Variants in HMGB1 observed in about 807,000 individuals in gnomAD.
HMGB1 encodes high mobility group box 1.
For synonymous variants in HMGB1, 81 were observed against 84.0 expected, an observed-to-expected ratio of 0.96 and a Z score of 0.19; for missense variants, 79 against 253.5, an observed-to-expected ratio of 0.31 and a Z score of 4.67.
At chr13:30,546,367 G>A (rs1024608717) in intron 1 of HMGB1, among the ~76,000 whole-genome samples, 2 of 152,304 alleles carry the variant, frequency 1.3e-5, no homozygotes, top group South Asian at 2.1e-4. Flanking sequence ...GCCTGCCTTG[G>A]CCTCCCAAAA....
chr13:30,606,243 A>T (rs1160073106), intron 1 of HMGB1, among the ~76,000 whole-genome samples: 1 of 152,060 alleles, frequency 6.6e-6, no homozygotes, highest in Non-Finnish European at 1.5e-5. Context: ...TTGGCACAAT[A>T]GTCTAACATT....
chr13:30,495,644 A>C (rs1296663414), intron 1 of HMGB1, among the ~76,000 whole-genome samples: 1 of 151,896 alleles, frequency 6.6e-6, no homozygotes, highest in East Asian at 1.9e-4. Flanking sequence ...ACGCCTGGCT[A>C]ATTTTTTATA....
chr13:30,497,216 T>C (rs1887627995), intron 1 of HMGB1, among the ~76,000 whole-genome samples: 1 of 152,142 alleles, frequency 6.6e-6, no homozygotes. Context: ...ACACTTCGAA[T>C]GATTATGCCG....
intron 1 of HMGB1, among the ~76,000 whole-genome samples, chr13:30,551,105 C>T (rs1303735271): frequency 6.6e-6 from 1 of 152,118 alleles, no homozygotes; most frequent in Non-Finnish European, 1.5e-5. Flanking sequence ...AGCATTTTAC[C>T]ATCTACTATC....
At chr13:30,522,502 A>G (rs1242209193) in intron 1 of HMGB1, among the ~76,000 whole-genome samples, 2 of 152,106 alleles carry the variant, frequency 1.3e-5, no homozygotes, top group South Asian at 2.1e-4. Flanking sequence ...TCAGGTCAAG[A>G]GTGATGACGA....
At chr13:30,464,398 C>G (rs1886575614) in intron 1 of HMGB1, 1 of 985,318 alleles carries the variant, frequency 1.0e-6, no homozygotes, top group African/African-American at 1.7e-5. Context: ...GCTCGTGGCT[C>G]GGTGGCCCCC....
intron 1 of HMGB1, among the ~76,000 whole-genome samples, chr13:30,505,304 T>G (rs544273936): frequency 2.1e-4 from 32 of 152,012 alleles, no homozygotes; most frequent in South Asian, 8.3e-4. Context: ...TCAGCCTCCC[T>G]AGTAGCTGGG....
chr13:30,582,878 C>T (rs1870965385), intron 1 of HMGB1, among the ~76,000 whole-genome samples: 1 of 152,170 alleles, frequency 6.6e-6, no homozygotes, highest in Non-Finnish European at 1.5e-5. Context: ...TCAGCATTGG[C>T]TCCCAAATAT....
intron 1 of HMGB1, among the ~76,000 whole-genome samples, chr13:30,563,070 A>G (rs1217132018): frequency 6.6e-6 from 1 of 152,238 alleles, no homozygotes; most frequent in Non-Finnish European, 1.5e-5. Context: ...AAGTACTGTT[A>G]ACAGTAGAGT....
intron 1 of HMGB1, among the ~76,000 whole-genome samples, chr13:30,545,168 A>G (rs865924067): frequency 1.3e-5 from 2 of 151,934 alleles, no homozygotes; most frequent in African/African-American, 2.4e-5. Flanking sequence ...CGGATTTGAG[A>G]GCGAGGCATT....
At chr13:30,581,568 G>A (rs891636685) in intron 1 of HMGB1, among the ~76,000 whole-genome samples, 1 of 152,190 alleles carries the variant, frequency 6.6e-6, no homozygotes, top group Admixed American at 6.6e-5. Flanking sequence ...CAGAAAGTTT[G>A]CTGATCCTTG....
chr13:30,605,742 A>T (rs529030868), intron 1 of HMGB1, among the ~76,000 whole-genome samples: 1 of 152,240 alleles, frequency 6.6e-6, no homozygotes, highest in African/African-American at 2.4e-5. Flanking sequence ...GGTTCCAGAG[A>T]GGGATTTTTT....
Position 30,457,489 on chromosome 13 carries a change from G to T in HMGB1, c.*3868C>A, listed in dbSNP as rs1172664600. ...TCCCAGCTACTTGAGAAACTGAGGC[G>T]GGAGGATTGTTTGAGCAGATTTGGA... On this transcript the variant is annotated 3_prime_UTR_variant, in exon 5 of 5. Coordinates refer to ENST00000341423, the MANE Select transcript of HMGB1 (RefSeq NM_002128.7). The T allele has an allele frequency of 6.6e-6, 1 of 152,132 alleles. No individual in the cohort carries two copies. The highest frequency in any genetic ancestry group is 2.4e-5 in the African/African-American group (1 of 41,432). The allele number at this position is 152,132 out of a possible 1,614,324, so 9.4% of individuals were successfully genotyped here. A position where few individuals can be genotyped will look rare whatever the true frequency, so the allele number is the denominator to read the frequency against.
intron 1 of HMGB1, among the ~76,000 whole-genome samples, chr13:30,544,020 T>C (rs1269884807): frequency 6.6e-6 from 1 of 152,220 alleles, no homozygotes; most frequent in Non-Finnish European, 1.5e-5. Flanking sequence ...AGATTTTCTT[T>C]CTGGGGATGG....
At chr13:30,497,608 C>T (rs1887639802) in intron 1 of HMGB1, among the ~76,000 whole-genome samples, 1 of 152,056 alleles carries the variant, frequency 6.6e-6, no homozygotes, top group Admixed American at 6.6e-5. Flanking sequence ...CTCCTCTCAG[C>T]CTCCACCCTC....
upstream of HMGB1, among the ~76,000 whole-genome samples, chr13:30,466,891 C>G (rs1039252898): frequency 1.3e-5 from 2 of 152,210 alleles, no homozygotes; most frequent in African/African-American, 4.8e-5. Context: ...TACAATCAAA[C>G]GAATCCTTGT....
chr13:30,464,828 C>G (rs1478415474), intron 1 of HMGB1: 1 of 159,066 alleles, frequency 6.3e-6, no homozygotes, highest in African/African-American at 2.5e-5. Flanking sequence ...GGCGCGGCGG[C>G]GGCGGCGGGC....
At chr13:30,551,826 C>T (rs1869441388) in intron 1 of HMGB1, among the ~76,000 whole-genome samples, 1 of 152,078 alleles carries the variant, frequency 6.6e-6, no homozygotes, top group Non-Finnish European at 1.5e-5. Flanking sequence ...CCACGTCAGC[C>T]TCCTGAGTAG....
chr13:30,503,849 G>A (rs1887793698), intron 1 of HMGB1, among the ~76,000 whole-genome samples: 1 of 151,910 alleles, frequency 6.6e-6, no homozygotes, highest in African/African-American at 2.4e-5. Flanking sequence ...TTGAGCCCAG[G>A]AGTTTAAGGC....
Sources: gnomAD v4.1 joint callset for allele counts (sites outside exome capture counted in the v4.1 genomes callset) on GRCh38, gnomAD v4.1.1 for gene constraint, MANE v1.5 for transcripts, NCBI Gene and HGNC (gene_info 2026-07-23, HGNC 2026-07-21) for gene names.